Variants in FXR1 observed in about 807,000 individuals in gnomAD.
FXR1 encodes FMR1 autosomal homolog 1, also known as RNA-binding protein FXR1.
Under a neutral mutation model 84.0 loss-of-function variants are expected in FXR1, and 15 were observed. The observed-to-expected ratio is 0.18, with a 90% confidence interval of 0.12 to 0.27. The LOEUF (loss-of-function observed/expected upper bound fraction) is 0.27. Ranked by LOEUF, FXR1 falls within the 10% of genes least tolerant of loss-of-function variation. The pLI is 1.00. For synonymous variants in FXR1, 245 were observed against 250.7 expected (o/e 0.98, Z 0.21); for missense variants, 480 against 774.4 (o/e 0.62, Z 4.51).
At chr3:180,929,630 G>C (rs1346731905) in intron 1 of FXR1, among the ~76,000 whole-genome samples, 2 of 152,222 alleles carry the variant, frequency 1.3e-5, no homozygotes, top group Non-Finnish European at 2.9e-5. Context: ...GCCATGTGCA[G>C]ACAAATGTGG....
At chr3:180,933,590 G>T (rs556663833) in intron 2 of FXR1, among the ~76,000 whole-genome samples, 3 of 151,990 alleles carry the variant, frequency 2.0e-5, no homozygotes, top group Non-Finnish European at 4.4e-5. Flanking sequence ...AACCCTCTTC[G>T]CCAGAACATG....
At chr3:180,960,532 C>G (rs1711963450) in intron 10 of FXR1, among the ~76,000 whole-genome samples, 1 of 152,180 alleles carries the variant, frequency 6.6e-6, no homozygotes, top group Admixed American at 6.5e-5. Flanking sequence ...GTGGCACAGT[C>G]TTGGCTCACT....
chr3:180,941,657 G>T (rs566781799), intron 3 of FXR1, among the ~76,000 whole-genome samples: 1 of 152,216 alleles, frequency 6.6e-6, no homozygotes, highest in East Asian at 1.9e-4. Context: ...CTTGGGAAAC[G>T]CTCGCACATA....
chr3:180,939,647 T>C (rs1351470275), intron 3 of FXR1, among the ~76,000 whole-genome samples: 1 of 152,226 alleles, frequency 6.6e-6, no homozygotes, highest in East Asian at 1.9e-4. Context: ...AAACGGTTTG[T>C]GTCCTCTTCT....
Position 180,926,504 on chromosome 3 carries a change from A to ATT in FXR1, c.52-6829_52-6828insTT, listed in dbSNP as rs1289994089. Among the ~76,000 whole-genome samples, 879 of 95,228 alleles carry ATT rather than the reference A, an allele frequency of 9.2e-3. 8 individuals are homozygous for ATT. Among genetic ancestry groups the ATT allele is most frequent in the East Asian group, 0.025 (95 of 3,792 alleles). The allele number at this position is 95,228 out of a possible 152,430, so 62.5% of individuals were successfully genotyped here. A position where few individuals can be genotyped will look rare whatever the true frequency, so the allele number is the denominator to read the frequency against. On this transcript the variant is annotated intron_variant, in intron 1 of 16. Transcript: ENST00000357559. ...TATATATATATATATATATATATAT[A>ATT]TATTTTTTTTTCTGGCCTTTTGTTG...
In FXR1 at chr3:180,929,560, G is replaced by C. The variant is rs576006637; in HGVS notation, c.52-3774G>C. Among the ~76,000 whole-genome samples, 16 of 152,282 alleles carry C rather than the reference G, an allele frequency of 1.1e-4. No individual in the cohort carries two copies. In the South Asian group the frequency reaches 2.3e-3, roughly 22 times the overall value. ...ACCTGAGCCAGGTGGGTGTGAATAG[G>C]AAGAGAGACAGTCGAAATCCCCAAA... On this transcript the variant is annotated intron_variant, in intron 1 of 16. Transcript: ENST00000357559.
At chr3:180,915,583 C>T (rs181319246) in intron 1 of FXR1, 2 of 940,778 alleles carry the variant, frequency 2.1e-6, no homozygotes, top group Non-Finnish European at 3.3e-6. Context: ...GAGCTGTTAA[C>T]ATTTTAGTGT....
chr3:180,935,712 A>G (rs1176254971), intron 3 of FXR1, among the ~76,000 whole-genome samples: 1 of 152,176 alleles, frequency 6.6e-6, no homozygotes, highest in Non-Finnish European at 1.5e-5. Flanking sequence ...GTCTGAGGAA[A>G]AATTTAAAAG....
At chr3:180,950,062 T>C (rs965334720) in intron 7 of FXR1, among the ~76,000 whole-genome samples, 3 of 152,186 alleles carry the variant, frequency 2.0e-5, no homozygotes, top group Non-Finnish European at 2.9e-5. Flanking sequence ...GCATGTAGTA[T>C]TAAAATATTA....
chr3:180,951,256 G>A (rs1277823441), intron 7 of FXR1, 42 bp from the exon 8 acceptor site: 3 of 1,279,406 alleles, frequency 2.3e-6, no homozygotes, highest in South Asian at 2.5e-5. Context: ...AAGCCATTTT[G>A]TATTTTGATC....
intron 9 of FXR1, among the ~76,000 whole-genome samples, chr3:180,954,505 AG>A (rs1362722955): frequency 6.6e-6 from 1 of 152,334 alleles, no homozygotes; most frequent in East Asian, 1.9e-4. Context: ...GTTAATTTAT[AG>A]CTCTGTTATT....
intron 1 of FXR1, chr3:180,914,821 G>C (rs1313621231): frequency 1.0e-6 from 1 of 984,938 alleles, no homozygotes; most frequent in Non-Finnish European, 1.2e-6. Flanking sequence ...AAGGACACTA[G>C]CCACCTGTGT....
intron 1 of FXR1, among the ~76,000 whole-genome samples, chr3:180,919,902 AT>A (rs993869685): frequency 3.3e-5 from 5 of 151,740 alleles, no homozygotes; most frequent in African/African-American, 9.7e-5. Context: ...TGCTGACCTT[AT>A]GATCTTCCTG....
intron 13 of FXR1, among the ~76,000 whole-genome samples, chr3:180,965,222 G>T (rs1212502608): frequency 6.6e-6 from 1 of 151,914 alleles, no homozygotes; most frequent in Admixed American, 6.6e-5. Context: ...CTCCATGTTG[G>T]TCAGGCTCGT....
intron 1 of FXR1, among the ~76,000 whole-genome samples, chr3:180,929,121 G>C (rs770795878): frequency 6.6e-6 from 1 of 151,954 alleles, no homozygotes; most frequent in Non-Finnish European, 1.5e-5. Flanking sequence ...GGGTTTCTCC[G>C]TTTTGGTCAG....
Position 180,935,373 on chromosome 3 carries a change from A to C in FXR1, c.198+142A>C, listed in dbSNP as rs1429331421. ...CTATTGGTGGTAATAGCTGTGTAAT[A>C]CAGCAGTGCTTGAGTTTTGGAGTTA... On this transcript the variant is annotated intron_variant, in intron 3 of 16. Transcript: ENST00000357559. The C allele has an allele frequency of 8.8e-6, 5 of 567,720 alleles. No individual in the cohort carries two copies. In the East Asian group the frequency reaches 1.5e-4, roughly 17 times the overall value. 35.2% of individuals were successfully genotyped at this position (567,720 alleles called of 1,614,324 possible). A position where few individuals can be genotyped will look rare whatever the true frequency, so the allele number is the denominator to read the frequency against.
At position 180,976,852 on chromosome 3, in the gene FXR1, A is replaced by C. The variant is rs1168398600; in HGVS notation, c.*560A>C. 6.6e-6 allele frequency: 1 copy of C among 152,638 alleles called. No individual in the cohort carries two copies. The highest frequency in any genetic ancestry group is 1.5e-5 in the Non-Finnish European group (1 of 68,044). The allele number at this position is 152,638 out of a possible 1,614,324, so 9.5% of individuals were successfully genotyped here. On this transcript the variant is annotated 3_prime_UTR_variant, in exon 17 of 17. Coordinates refer to ENST00000357559, the MANE Select transcript of FXR1 (RefSeq NM_005087.4). ...TTGTTAAACTCTCATCTGCAGGGAC[A>C]CTGGGCGATACTTGGCAGTGACTGT...
intron 1 of FXR1, among the ~76,000 whole-genome samples, chr3:180,920,803 G>A (rs1431997427): frequency 6.6e-6 from 1 of 152,116 alleles, no homozygotes; most frequent in African/African-American, 2.4e-5. Flanking sequence ...GAGCCACCAT[G>A]CCCGGCCCAG....
chr3:180,914,979 A>AT (rs1281614231), intron 1 of FXR1: 1 of 966,260 alleles, frequency 1.0e-6, no homozygotes, highest in Non-Finnish European at 1.2e-6. Context: ...TTTGAAGTAA[A>AT]CAGATGAGAA....
Sources: gnomAD v4.1 joint callset for allele counts (sites outside exome capture counted in the v4.1 genomes callset) on GRCh38, gnomAD v4.1.1 for gene constraint, MANE v1.5 for transcripts, NCBI Gene and HGNC (gene_info 2026-07-23, HGNC 2026-07-21) for gene names.